The following ANGPTL2 variants were observed in gnomAD, a reference collection of about 807,000 sequenced individuals.
The protein encoded by ANGPTL2 is angiopoietin like 2, also known as angiopoietin-related protein 2.
ANGPTL2 carries 25 observed loss-of-function variants against 52.8 expected under a neutral mutation model. The observed-to-expected ratio is 0.47, with a 90% confidence interval of 0.35 to 0.66. ANGPTL2 has a LOEUF of 0.66. Among genes scored for constraint, ANGPTL2 ranks in the 30% least tolerant of loss-of-function variants. ANGPTL2 has a pLI of 0.01. For synonymous variants in ANGPTL2, 276 were observed against 277.4 expected (o/e 1.00, Z 0.05); for missense variants, 546 against 656.9 (o/e 0.83, Z 1.84).
At chr9:127,116,308 A>T (rs2055413764) in intron 1 of ANGPTL2, among the ~76,000 whole-genome samples, 1 of 151,322 alleles carries the variant, frequency 6.6e-6, no homozygotes. Flanking sequence ...TCACACCATG[A>T]GATCATAGGG....
Position 127,093,788 on chromosome 9 carries a change from A to G in ANGPTL2, c.956T>C (p.Ile319Thr). 6.2e-7 allele frequency: 1 copy of G among 1,613,980 alleles called. No individual in the cohort carries two copies. Among genetic ancestry groups the G allele is most frequent in the Non-Finnish European group, 8.5e-7 (1 of 1,180,002 alleles). The part of the protein sequence containing the change: ...QRHDPGGWTV[I>T]QRRLDGSVNF... The stretch of plus-strand genomic sequence containing the variant: ...AACAGAGCCATCCAGGCGTCTCTGG[A>G]TGACGGTCCAGCCCCCGGGGTCGTG... Residue 319 changes from isoleucine to threonine, a missense_variant, in exon 3 of 5, where the codon ATC becomes ACC. Ile to Thr is a moderately conservative substitution (Grantham distance 89). Transcript: ENST00000373425.
intron 2 of ANGPTL2, among the ~76,000 whole-genome samples, chr9:127,105,908 A>G (rs1288980101): frequency 6.6e-6 from 1 of 152,222 alleles, no homozygotes; most frequent in African/African-American, 2.4e-5. Context: ...GCTTTACTAC[A>G]TGACATAATG....
At chr9:127,095,053 A>G (rs1468850275) in intron 2 of ANGPTL2, among the ~76,000 whole-genome samples, 3 of 152,232 alleles carry the variant, frequency 2.0e-5, no homozygotes, top group Admixed American at 6.5e-5. Context: ...AGCCATTCAG[A>G]TGAAAATGGC....
Position 127,091,570 on chromosome 9 carries a change from C to G in ANGPTL2, c.1282+100G>C. ...GCAGCTTGGCCCAGCTGCTTCTCAC[C>G]CTGGGATCTTCCCGTTTCCAAGCCC... On this transcript the variant is annotated intron_variant, in intron 4 of 4. Coordinates refer to ENST00000373425, the MANE Select transcript of ANGPTL2 (RefSeq NM_012098.3). This position sits in a 1 kb window ranked among gnomAD's most constrained non-coding sequence, Gnocchi z 4.3. The G allele has an allele frequency of 6.7e-7, 1 of 1,493,380 alleles. No homozygotes were observed. 92.5% of individuals were successfully genotyped at this position (1,493,380 alleles called of 1,614,324 possible).
chr9:127,095,271 A>G (rs1383647715), intron 2 of ANGPTL2, among the ~76,000 whole-genome samples: 1 of 152,036 alleles, frequency 6.6e-6, no homozygotes, highest in Non-Finnish European at 1.5e-5. Context: ...GGTGGCACGC[A>G]CCTGTGATCC....
chr9:127,105,282 C>T (rs369164906), intron 2 of ANGPTL2, among the ~76,000 whole-genome samples: 18 of 152,310 alleles, frequency 1.2e-4, no homozygotes, highest in African/African-American at 4.3e-4. Flanking sequence ...CCATTCCCTC[C>T]CATGACGGCG....
rs150529088 is a variant in ANGPTL2 at position 127,091,809 on chromosome 9, G to A, written c.1143C>T (p.Tyr381=). The change falls in exon 4 of 5, where the codon TAC becomes TAT. Residue 381 remains tyrosine (Y), a synonymous_variant. Coordinates refer to ENST00000373425, the MANE Select transcript of ANGPTL2 (RefSeq NM_012098.3). This position sits in a 1 kb window ranked among gnomAD's most constrained non-coding sequence, Gnocchi z 4.3. ...TCTCAGGTTCCAGGCGGAAACTGGC[G>A]TATTCTGCAAAGACTTTGCGGCCGG... The part of the protein sequence containing the change: ...DWSGRKVFAE[Y]ASFRLEPESE... 7.7e-5 allele frequency: 125 copies of A among 1,614,186 alleles called. No individual in the cohort carries two copies. Among genetic ancestry groups the A allele is most frequent in the Middle Eastern group, 3.3e-4 (2 of 6,060 alleles).
intron 1 of ANGPTL2, among the ~76,000 whole-genome samples, chr9:127,119,961 A>G (rs1453721606): frequency 6.6e-6 from 1 of 152,186 alleles, no homozygotes; most frequent in East Asian, 1.9e-4. Flanking sequence ...CAAATACTTG[A>G]TGTCACCTTT....
intron 1 of ANGPTL2, among the ~76,000 whole-genome samples, chr9:127,116,821 C>A (rs943856797): frequency 6.6e-6 from 1 of 152,232 alleles, no homozygotes; most frequent in Admixed American, 6.5e-5. Flanking sequence ...TGACTATCCT[C>A]ATTTCACAGA....
intron 2 of ANGPTL2, among the ~76,000 whole-genome samples, chr9:127,097,917 A>G (rs967536497): frequency 6.6e-6 from 1 of 152,174 alleles, no homozygotes; most frequent in African/African-American, 2.4e-5. Context: ...TCTTCTGTGA[A>G]ATGGGAAGAG....
intron 2 of ANGPTL2, among the ~76,000 whole-genome samples, chr9:127,101,569 A>C (rs374418836): frequency 6.6e-6 from 1 of 152,130 alleles, no homozygotes; most frequent in East Asian, 1.9e-4. Flanking sequence ...TGTGCTTTCC[A>C]GCTGAGAACC....
chr9:127,113,647 A>G (rs2055092673), intron 1 of ANGPTL2, among the ~76,000 whole-genome samples: 1 of 152,178 alleles, frequency 6.6e-6, no homozygotes, highest in Non-Finnish European at 1.5e-5. Flanking sequence ...TAAAATAAAA[A>G]CGATTCTTAA....
chr9:127,093,348 G>A (rs943405992), intron 3 of ANGPTL2, among the ~76,000 whole-genome samples: 13 of 152,142 alleles, frequency 8.5e-5, no homozygotes, highest in Admixed American at 3.3e-4. Flanking sequence ...TGGGACTTGC[G>A]CCTTCTGGGC....
intron 1 of ANGPTL2, among the ~76,000 whole-genome samples, chr9:127,117,427 TCTC>T (rs2137516829): frequency 6.6e-6 from 1 of 152,272 alleles, no homozygotes; most frequent in South Asian, 2.1e-4. Context: ...CCCAATAAGT[TCTC>T]CTCTTCCAGC....
At chr9:127,110,644 G>A (rs1410076103) in intron 1 of ANGPTL2, among the ~76,000 whole-genome samples, 2 of 151,976 alleles carry the variant, frequency 1.3e-5, no homozygotes, top group Non-Finnish European at 2.9e-5. Flanking sequence ...GTTTTTCCCC[G>A]TATCTCCAAC....
At chr9:127,118,682 C>T (rs2055715578) in intron 1 of ANGPTL2, among the ~76,000 whole-genome samples, 1 of 152,214 alleles carries the variant, frequency 6.6e-6, no homozygotes, top group African/African-American at 2.4e-5. Flanking sequence ...ACAGCTTTCA[C>T]ACAGTTGTGT....
In ANGPTL2 at chr9:127,122,183, G is replaced by A. The variant is rs552383939; in HGVS notation, c.-50+132C>T. 2.6e-5 allele frequency: 4 copies of A among 152,394 alleles called. No homozygotes were observed. Among genetic ancestry groups the A allele is most frequent in the East Asian group, 1.9e-4 (1 of 5,164 alleles). The allele number at this position is 152,394 out of a possible 1,614,324, so 9.4% of individuals were successfully genotyped here. A position where few individuals can be genotyped will look rare whatever the true frequency, so the allele number is the denominator to read the frequency against. Reference sequence around the variant, plus strand: ...ATGCCTCGTTTGGCTCCAAGCGATAGCAGGGAGTGACCCTCTGAGATCCAG... The same window carrying A: ...ATGCCTCGTTTGGCTCCAAGCGATAACAGGGAGTGACCCTCTGAGATCCAG... On this transcript the variant is annotated intron_variant, in intron 1 of 4. Transcript: ENST00000373425. This position sits in a 1 kb window ranked among gnomAD's most constrained non-coding sequence, Gnocchi z 6.4.
At chr9:127,104,675 A>G (rs2054047300) in intron 2 of ANGPTL2, among the ~76,000 whole-genome samples, 1 of 152,264 alleles carries the variant, frequency 6.6e-6, no homozygotes. Context: ...GGCTGGGAAC[A>G]GGCTTGTGGT....
intron 2 of ANGPTL2, among the ~76,000 whole-genome samples, chr9:127,106,602 G>A (rs747367157): frequency 6.6e-6 from 1 of 152,198 alleles, no homozygotes; most frequent in Non-Finnish European, 1.5e-5. Context: ...GGTGGAAACC[G>A]GATTTAAATC....
Sources: gnomAD v4.1 joint callset for allele counts (sites outside exome capture counted in the v4.1 genomes callset) on GRCh38, gnomAD v4.1.1 for gene constraint, Gnocchi (gnomAD v3.1) non-coding constraint, MANE v1.5 for transcripts, NCBI Gene and HGNC (gene_info 2026-07-23, HGNC 2026-07-21) for gene names.